RBFOX1: variants seen among roughly 807,000 people sequenced by gnomAD.
RBFOX1 encodes RNA binding fox-1 homolog 1, also known as RNA binding protein fox-1 homolog 1.
Under a neutral mutation model 57.7 loss-of-function variants are expected in RBFOX1, and 8 were observed. The observed-to-expected ratio is 0.14, with a 90% CI of 0.08 to 0.25. The LOEUF (loss-of-function observed/expected upper bound fraction) is 0.25, where lower values mean the gene tolerates loss of function less well. Among genes scored for constraint, RBFOX1 ranks in the 10% least tolerant of loss-of-function variants. The probability of loss-of-function intolerance (pLI) is 1.00; values close to 1 mark genes in which losing one functional copy is unlikely to be tolerated. For synonymous variants in RBFOX1, 326 were observed against 222.4 expected (o/e 1.47, Z -4.15); for missense variants, 611 against 548.5 (o/e 1.11, Z -1.14).
At chr16:6,083,873 A>C (rs2096047729) in intron 1 of RBFOX1, among the ~76,000 whole-genome samples, 1 of 152,152 alleles carries the variant, frequency 6.6e-6, no homozygotes, top group Admixed American at 6.6e-5. Context: ...ATCTTTAAGC[A>C]GAAGAATTGG....
rs988227510 is a variant in RBFOX1, at chr16:5,391,603, C to T, written c.220-75613C>T. Among the ~76,000 whole-genome samples, 7 of 152,184 alleles carry T rather than the reference C, an allele frequency of 4.6e-5. No homozygotes were observed. In the South Asian group the frequency reaches 8.3e-4, roughly 18 times the overall value. ...CCAAGGCTCTGAAATCAAGCTATCT[C>T]CAGAGTTCGTTCCTCCTGAAGGCTG... On this transcript the variant is annotated intron_variant, in intron 1 of 2. Transcript: ENST00000585867.
intron 1 of RBFOX1, among the ~76,000 whole-genome samples, chr16:6,027,984 T>C (rs1449544521): frequency 6.6e-6 from 1 of 152,146 alleles, no homozygotes. Context: ...TTAGACTCGT[T>C]ATGAAAAGTG....
chr16:7,267,437 G>A (rs754150988), intron 4 of RBFOX1, among the ~76,000 whole-genome samples: 2 of 152,026 alleles, frequency 1.3e-5, no homozygotes, highest in Non-Finnish European at 2.9e-5. Flanking sequence ...TTGAGAGGCT[G>A]AGGCAAGAGA....
chr16:7,479,736 T>C (rs540633139), intron 4 of RBFOX1, among the ~76,000 whole-genome samples: 76 of 151,550 alleles, frequency 5.0e-4, no homozygotes, highest in African/African-American at 1.8e-3. Context: ...GTGTAGGTGA[T>C]TGGAGCTGGA....
At chr16:5,418,500 A>G (rs1278307356) in intron 1 of RBFOX1, among the ~76,000 whole-genome samples, 1 of 152,174 alleles carries the variant, frequency 6.6e-6, no homozygotes, top group Non-Finnish European at 1.5e-5. Context: ...GCAGGCCTGA[A>G]TTCAGGAGAT....
chr16:5,604,335 G>T (rs968329349), downstream of RBFOX1, among the ~76,000 whole-genome samples: 5 of 152,184 alleles, frequency 3.3e-5, no homozygotes, highest in African/African-American at 1.2e-4. Flanking sequence ...CAAGCTGCAG[G>T]CAAGGGAGTT....
At chr16:5,954,331 G>A (rs776001386) in intron 4 of RBFOX1, among the ~76,000 whole-genome samples, 11 of 152,104 alleles carry the variant, frequency 7.2e-5, no homozygotes, top group South Asian at 2.1e-4. Context: ...AACTCAGGCC[G>A]GGTGGGGGTT....
chr16:7,180,731 C>T (rs2082535448), intron 4 of RBFOX1, among the ~76,000 whole-genome samples: 1 of 149,422 alleles, frequency 6.7e-6, no homozygotes, highest in Admixed American at 6.7e-5. Flanking sequence ...AAAAAAAAAC[C>T]TGCCAGAACA....
chr16:6,738,846 C>T (rs2071219103), intron 3 of RBFOX1, among the ~76,000 whole-genome samples: 1 of 151,934 alleles, frequency 6.6e-6, no homozygotes. Context: ...GGAAAAAATC[C>T]CAAACACTTG....
intron 4 of RBFOX1, among the ~76,000 whole-genome samples, chr16:5,919,970 G>A (rs552374836): frequency 3.0e-4 from 46 of 151,986 alleles, no homozygotes; most frequent in African/African-American, 8.0e-4. Context: ...ACGGAGTCTC[G>A]CACTGTCGCC....
intron 2 of RBFOX1, among the ~76,000 whole-genome samples, chr16:6,446,002 T>C (rs1394852087): frequency 6.6e-6 from 1 of 152,138 alleles, no homozygotes; most frequent in African/African-American, 2.4e-5. Flanking sequence ...TCTCTGTTTG[T>C]CATTCAGACT....
At chr16:5,538,449 A>G (rs914602382) in intron 2 of RBFOX1, among the ~76,000 whole-genome samples, 57 of 152,252 alleles carry the variant, frequency 3.7e-4, no homozygotes, top group African/African-American at 1.3e-3. Context: ...AGGCTTTTAG[A>G]CGAAAAATGA....
intron 1 of RBFOX1, among the ~76,000 whole-genome samples, chr16:6,222,085 A>G (rs2097377806): frequency 6.6e-6 from 1 of 152,202 alleles, no homozygotes; most frequent in Non-Finnish European, 1.5e-5. Flanking sequence ...GTGAAAGATG[A>G]GTGACTGAAG....
Position 5,506,301 on chromosome 16 carries a change from T to G in RBFOX1, c.258+39047T>G, listed in dbSNP as rs556777922. 1.5e-3 allele frequency among the ~76,000 whole-genome samples: 227 copies of G among 152,320 alleles called. 3 individuals are homozygous for G. The South Asian group carries it at 0.024, about 16-fold the overall frequency. On this transcript the variant is annotated intron_variant, in intron 2 of 2. Coordinates refer to the RBFOX1 transcript ENST00000585867. ...TGCGAGAATAGGATGCTTGGCAGCCTGCAGGCACAGAGACGTAAGTCGCGG... is the reference window on the plus strand; with the variant it reads ...TGCGAGAATAGGATGCTTGGCAGCCGGCAGGCACAGAGACGTAAGTCGCGG...
chr16:7,517,138 C>CATGTGT (rs1354039473), intron 4 of RBFOX1, among the ~76,000 whole-genome samples: 98 of 130,218 alleles, frequency 7.5e-4, no homozygotes, highest in East Asian at 6.6e-3. Flanking sequence ...TTTCTTATGC[C>CATGTGT]GTGTGTGTGT....
chr16:5,700,858 G>A (rs1765842944), intron 3 of RBFOX1, among the ~76,000 whole-genome samples: 1 of 152,170 alleles, frequency 6.6e-6, no homozygotes, highest in African/African-American at 2.4e-5. Context: ...GTCATAGGCT[G>A]GCCAGTTGTA....
intron 3 of RBFOX1, among the ~76,000 whole-genome samples, chr16:6,768,760 T>G: frequency 6.7e-6 from 1 of 149,320 alleles, no homozygotes; most frequent in East Asian, 2.0e-4. Context: ...TTTTGAGACT[T>G]GCTTTGTCGC....
intron 4 of RBFOX1, among the ~76,000 whole-genome samples, chr16:7,359,882 G>T (rs1223610691): frequency 6.6e-6 from 1 of 152,082 alleles, no homozygotes; most frequent in East Asian, 1.9e-4. Flanking sequence ...TGCTGGGGAG[G>T]CTGAGGCAGG....
intron 14 of RBFOX1, among the ~76,000 whole-genome samples, chr16:7,683,150 T>C (rs1318250092): frequency 2.7e-5 from 4 of 147,488 alleles, no homozygotes; most frequent in Admixed American, 2.1e-4. Flanking sequence ...TGTATGGAGA[T>C]GGCTCTGAAA....
Sources: gnomAD v4.1 joint callset for allele counts (sites outside exome capture counted in the v4.1 genomes callset) on GRCh38, gnomAD v4.1.1 for gene constraint, MANE v1.5 for transcripts, NCBI Gene and HGNC (gene_info 2026-07-23, HGNC 2026-07-21) for gene names.